The following SARS1 variants were observed in gnomAD, a reference collection of about 807,000 sequenced individuals.
SARS1 encodes serine--tRNA ligase, cytoplasmic.
In SARS1, 25 loss-of-function variants were observed where a neutral mutation model predicts 63.7. The ratio of observed to expected loss-of-function variants is 0.39; its 90% confidence interval spans 0.29 to 0.55. The LOEUF (loss-of-function observed/expected upper bound fraction) is 0.55. Ranked by LOEUF, SARS1 falls within the 20% of genes least tolerant of loss-of-function variation. The probability of loss-of-function intolerance (pLI) is 0.62; values close to 1 mark genes in which losing one functional copy is unlikely to be tolerated. For synonymous variants in SARS1, 231 were observed against 243.5 expected, an observed-to-expected ratio of 0.95 and a Z score of 0.48; for missense variants, 417 against 649.7, an observed-to-expected ratio of 0.64 and a Z score of 3.89.
rs1655311534 is a variant in SARS1 at position 109,236,403 on chromosome 1, A to G, written c.1112A>G (p.His371Arg). 1 of 1,593,802 alleles carries G rather than the reference A, an allele frequency of 6.3e-7. No individual in the cohort carries two copies. Among genetic ancestry groups the G allele is most frequent in the East Asian group, 2.3e-5 (1 of 44,252 alleles). Residue 371 changes from histidine (H) to arginine (R), a missense_variant, in exon 9 of 11, where the codon CAT (histidine) becomes CGT (arginine). Around this residue, in one of 3 missense-constraint regions of SARS1, gnomAD observed 359 missense variants for 529.6 expected, o/e 0.68. Coordinates refer to ENST00000234677, the MANE Select transcript of SARS1 (RefSeq NM_006513.4). ...TTTTTCCTTACAGGTTCTTTGAATC[A>G]TGCTGCCAGTAAGAAGCTTGACCTG... Reference protein sequence around the residue: ...IVNIVSGSLNHAASKKLDLEA... With the variant: ...IVNIVSGSLNRAASKKLDLEA...
chr1:109,223,752 C>T (rs1033016120), intron 1 of SARS1, among the ~76,000 whole-genome samples: 2 of 152,042 alleles, frequency 1.3e-5, no homozygotes, highest in Non-Finnish European at 2.9e-5. Flanking sequence ...TGCAGTGAGC[C>T]GAGATTGCAC....
chr1:109,234,915 G>A (rs570026785), intron 6 of SARS1, among the ~76,000 whole-genome samples: 5 of 152,276 alleles, frequency 3.3e-5, no homozygotes, highest in Admixed American at 1.3e-4. Context: ...GCAGTGAGCC[G>A]AGATTGTGCC....
Position 109,236,390 on chromosome 1 carries a change from G to A in SARS1, c.1100-1G>A. ...TGAATTCTAGGGGTTTTTCCTTACA[G>A]GTTCTTTGAATCATGCTGCCAGTAA... On this transcript the variant is annotated splice_acceptor_variant, in intron 8 of 10. Transcript: ENST00000234677. LOFTEE classifies it high-confidence loss of function. 6.3e-7 allele frequency: 1 copy of A among 1,589,844 alleles called. No homozygotes were observed. Among genetic ancestry groups the A allele is most frequent in the Non-Finnish European group, 8.6e-7 (1 of 1,161,252 alleles).
chr1:109,214,519 C>T lies in SARS1; in HGVS notation c.136+391C>T. On this transcript the variant is annotated intron_variant, in intron 1 of 10. Coordinates refer to ENST00000234677, the MANE Select transcript of SARS1 (RefSeq NM_006513.4). This position sits in a 1 kb window ranked among gnomAD's most constrained non-coding sequence, Gnocchi z 4.6. Reference sequence around the variant, plus strand: ...AGTCTTTTTCTCATCTTCAGCAAGGCCAGAGTGGTTTTCCTTTGTTTTGAT... The same window carrying T: ...AGTCTTTTTCTCATCTTCAGCAAGGTCAGAGTGGTTTTCCTTTGTTTTGAT... 1 of 1,011,364 alleles carries T rather than the reference C, an allele frequency of 9.9e-7. No individual in the cohort carries two copies. Among genetic ancestry groups the T allele is most frequent in the Non-Finnish European group, 1.2e-6 (1 of 844,846 alleles). The allele number at this position is 1,011,364 out of a possible 1,614,324, so 62.6% of individuals were successfully genotyped here.
rs1654748815 is a variant in SARS1, at chr1:109,214,847, C to T, written c.136+719C>T. The T allele has an allele frequency of 1.0e-6, 1 of 985,330 alleles. No individual in the cohort carries two copies. Among genetic ancestry groups the T allele is most frequent in the South Asian group, 4.7e-5 (1 of 21,298 alleles). 61.0% of individuals were successfully genotyped at this position (985,330 alleles called of 1,614,324 possible). ...GACATTGGCAGAGTTGGGCTAGAAC[C>T]TGGAACTGCCGGATCTTGGAGTCAT... is the stretch of plus-strand genomic sequence containing the variant. On this transcript the variant is annotated intron_variant, in intron 1 of 10. Coordinates refer to ENST00000234677, the MANE Select transcript of SARS1 (RefSeq NM_006513.4). This position sits in a 1 kb window ranked among gnomAD's most constrained non-coding sequence, Gnocchi z 4.6.
In SARS1 at chr1:109,229,479, C is replaced by G; in HGVS notation, c.354C>G (p.Asp118Glu). Residue 118 changes from aspartate to glutamate, a missense_variant, in exon 4 of 11, where the codon GAC becomes GAG. Physicochemically the swap from Asp to Glu is conservative, Grantham distance 45. Around this residue, in one of 3 missense-constraint regions of SARS1, gnomAD observed 359 missense variants for 529.6 expected, o/e 0.68. Coordinates refer to ENST00000234677, the MANE Select transcript of SARS1 (RefSeq NM_006513.4). ...TTGATGAAGCCATCCTGAAGTGTGA[C>G]GCGGAGCGGATAAAGTTGGAAGCAG... ...LLIDEAILKC[D>E]AERIKLEAER... 6.2e-7 allele frequency: 1 copy of G among 1,614,158 alleles called. No individual in the cohort carries two copies. Among genetic ancestry groups the G allele is most frequent in the East Asian group, 2.2e-5 (1 of 44,890 alleles).
intron 2 of SARS1, among the ~76,000 whole-genome samples, 160 bp from the exon 3 acceptor site, chr1:109,228,192 G>A (rs1655132852): frequency 6.6e-6 from 1 of 152,170 alleles, no homozygotes; most frequent in Non-Finnish European, 1.5e-5. Context: ...CTGGCTTCCA[G>A]TGTACTAATT....
At chr1:109,223,817 T>C (rs1655010373) in intron 1 of SARS1, among the ~76,000 whole-genome samples, 161 bp from the exon 2 acceptor site, 1 of 152,128 alleles carries the variant, frequency 6.6e-6, no homozygotes, top group Non-Finnish European at 1.5e-5. Flanking sequence ...AAAATAAAAA[T>C]AAAAAGCTGT....
In SARS1 at chr1:109,214,410, T is replaced by C; in HGVS notation, c.136+282T>C. ...CGCATCGGGAGCTGTCAAGCCTTCC[T>C]GCCCCAGGGGTTGCCAGAACATGCC... On this transcript the variant is annotated intron_variant, in intron 1 of 10. Coordinates refer to ENST00000234677, the MANE Select transcript of SARS1 (RefSeq NM_006513.4). This position sits in a 1 kb window ranked among gnomAD's most constrained non-coding sequence, Gnocchi z 4.6. 1.4e-6 allele frequency: 1 copy of C among 707,082 alleles called. No individual in the cohort carries two copies. Among genetic ancestry groups the C allele is most frequent in the Non-Finnish European group, 2.0e-6 (1 of 507,750 alleles). 43.8% of individuals were successfully genotyped at this position (707,082 alleles called of 1,614,324 possible).
intron 1 of SARS1, among the ~76,000 whole-genome samples, chr1:109,222,340 C>T (rs754410329): frequency 4.6e-5 from 7 of 152,092 alleles, no homozygotes; most frequent in Non-Finnish European, 1.0e-4. Flanking sequence ...GACATTGCTA[C>T]AATCCACAAA....
chr1:109,217,724 C>T lies in SARS1; in HGVS notation c.136+3596C>T, dbSNP rs568143856. 5.3e-5 allele frequency among the ~76,000 whole-genome samples: 8 copies of T among 151,984 alleles called. No individual in the cohort carries two copies. In the South Asian group the frequency reaches 1.7e-3, roughly 32 times the overall value. ...CACAGGTGTGCACCACCATGCCCAG[C>T]TAATTTTTAATTTTTTGTAGAGACA... is the stretch of plus-strand genomic sequence containing the variant. On this transcript the variant is annotated intron_variant, in intron 1 of 10. Coordinates refer to ENST00000234677, the MANE Select transcript of SARS1 (RefSeq NM_006513.4).
At chr1:109,220,476 T>C (rs192340023) in intron 1 of SARS1, among the ~76,000 whole-genome samples, 1 of 152,380 alleles carries the variant, frequency 6.6e-6, no homozygotes, top group Admixed American at 6.5e-5. Context: ...CTAAAGATAC[T>C]GAGCGCTTTT....
At chr1:109,230,391 T>C (rs1169621977) in intron 4 of SARS1, among the ~76,000 whole-genome samples, 1 of 152,200 alleles carries the variant, frequency 6.6e-6, no homozygotes, top group Non-Finnish European at 1.5e-5. Flanking sequence ...TACTTCTCCA[T>C]TGAGTAGCAA....
intron 2 of SARS1, among the ~76,000 whole-genome samples, chr1:109,226,253 T>G (rs908587048): frequency 6.6e-6 from 1 of 150,530 alleles, no homozygotes; most frequent in African/African-American, 2.4e-5. Flanking sequence ...CACTGAAGGG[T>G]GTGAGTGGAG....
Position 109,223,925 on chromosome 1 carries a change from G to A in SARS1, c.137-53G>A, listed in dbSNP as rs1655012002. 5 of 1,316,402 alleles carry A rather than the reference G, an allele frequency of 3.8e-6. No homozygotes were observed. In the South Asian group the frequency reaches 4.7e-5, roughly 12 times the overall value. The allele number at this position is 1,316,402 out of a possible 1,614,324, so 81.5% of individuals were successfully genotyped here. On this transcript the variant is annotated intron_variant, in intron 1 of 10. Coordinates refer to ENST00000234677, the MANE Select transcript of SARS1 (RefSeq NM_006513.4). ...AAGAAGTCAAGATCAGGAGAAAGGA[G>A]TATCTTAATTATGGGCATTTCTTTG...
rs1233413389 is a variant in SARS1 at position 109,235,071 on chromosome 1, T to C, written c.748-139T>C. On this transcript the variant is annotated intron_variant, in intron 6 of 10. Coordinates refer to ENST00000234677, the MANE Select transcript of SARS1 (RefSeq NM_006513.4). The surrounding 1 kb of genome is among the most constrained non-coding windows in gnomAD (Gnocchi z 4.7). ...GGACTGACCCATTCCTTTATCTTTTTAGTATTCTCTCCCCACTCCCAGGCA... is the reference window on the plus strand; with the variant it reads ...GGACTGACCCATTCCTTTATCTTTTCAGTATTCTCTCCCCACTCCCAGGCA... The C allele has an allele frequency of 1.5e-6, 1 of 679,476 alleles. No homozygotes were observed. Among genetic ancestry groups the C allele is most frequent in the African/African-American group, 1.8e-5 (1 of 56,336 alleles). The allele number at this position is 679,476 out of a possible 1,614,324, so 42.1% of individuals were successfully genotyped here.
At chr1:109,226,673 A>ATATATATAT (rs1362263446) in intron 2 of SARS1, among the ~76,000 whole-genome samples, 1 of 32,114 alleles carries the variant, frequency 3.1e-5, no homozygotes, top group Non-Finnish European at 6.7e-5. Flanking sequence ...TAAAAAAAAA[A>ATATATATAT]AAAAATATAT....
At chr1:109,236,811 A>G in intron 9 of SARS1, 1 of 1,597,826 alleles carries the variant, frequency 6.3e-7, no homozygotes, top group Non-Finnish European at 8.5e-7. Flanking sequence ...CCAGAGAAAG[A>G]ATAATCTCCA....
chr1:109,216,454 A>G, intron 1 of SARS1: 1 of 985,310 alleles, frequency 1.0e-6, no homozygotes, highest in Non-Finnish European at 1.2e-6. Context: ...TTTTTAATTC[A>G]GAGTAGCGTA....
Sources: gnomAD v4.1 joint callset for allele counts (sites outside exome capture counted in the v4.1 genomes callset) on GRCh38, gnomAD v4.1.1 for gene constraint, gnomAD v4.1.1 regional missense constraint, Gnocchi (gnomAD v3.1) non-coding constraint, MANE v1.5 for transcripts, NCBI Gene and HGNC (gene_info 2026-07-23, HGNC 2026-07-21) for gene names.